BLTP3B: variants seen among roughly 807,000 people sequenced by gnomAD.
BLTP3B encodes bridge-like lipid transfer protein family member 3B, also known as UHRF1 (ICBP90) binding protein 1-like.
the BLTP3B span, chr12:100,142,797 G>T: frequency 3.8e-6 from 4 of 1,045,848 alleles, no homozygotes; most frequent in African/African-American, 1.7e-5. Flanking sequence ...AGCCGCCGCC[G>T]AGAACCCGGA....
At chr12:100,051,282 G>A in the BLTP3B span, 1 of 1,453,648 alleles carries the variant, frequency 6.9e-7, no homozygotes, top group Non-Finnish European at 9.2e-7. Context: ...ATCTAACACT[G>A]TATGCTTATT....
chr12:100,135,974 AG>A, the BLTP3B span, among the ~76,000 whole-genome samples: 1 of 152,176 alleles, frequency 6.6e-6, no homozygotes, highest in African/African-American at 2.4e-5. Flanking sequence ...GCACTTTGGG[AG>A]GCCAAAGTGG....
At chr12:100,048,769 T>TGAGA in the BLTP3B span, among the ~76,000 whole-genome samples, 1 of 72,890 alleles carries the variant, frequency 1.4e-5, no homozygotes, top group African/African-American at 5.8e-5. Flanking sequence ...AGAGTGAGAG[T>TGAGA]GAGTGTGTGT....
chr12:100,130,831 G>C, the BLTP3B span, among the ~76,000 whole-genome samples: 1 of 152,078 alleles, frequency 6.6e-6, no homozygotes, highest in Non-Finnish European at 1.5e-5. Flanking sequence ...GGCTGAGGCA[G>C]GAGAATCATT....
At chr12:100,109,560 T>C in the BLTP3B span, among the ~76,000 whole-genome samples, 1 of 152,108 alleles carries the variant, frequency 6.6e-6, no homozygotes, top group East Asian at 1.9e-4. Flanking sequence ...GGGCAGGAGT[T>C]CAAGACCAGC....
the BLTP3B span, among the ~76,000 whole-genome samples, chr12:100,118,148 T>C: frequency 1.3e-5 from 2 of 152,078 alleles, no homozygotes; most frequent in Non-Finnish European, 2.9e-5. Flanking sequence ...AAACCCCAAT[T>C]GAAGGACACT....
At chr12:100,073,428 G>A in the BLTP3B span, among the ~76,000 whole-genome samples, 1 of 148,238 alleles carries the variant, frequency 6.7e-6, no homozygotes, top group African/African-American at 2.5e-5. Flanking sequence ...TCAAACTCCT[G>A]ACCTCAAGCA....
At chr12:100,057,195 T>G in the BLTP3B span, among the ~76,000 whole-genome samples, 1 of 152,182 alleles carries the variant, frequency 6.6e-6, no homozygotes, top group African/African-American at 2.4e-5. Context: ...TAATGTCGCC[T>G]GCTTTATGGT....
At chr12:100,071,550 A>T in the BLTP3B span, among the ~76,000 whole-genome samples, 1 of 151,580 alleles carries the variant, frequency 6.6e-6, no homozygotes, top group South Asian at 2.1e-4. Context: ...ACAATAGCAG[A>T]GAGTTTTAAT....
At chr12:100,062,409 T>A in the BLTP3B span, among the ~76,000 whole-genome samples, 1 of 152,176 alleles carries the variant, frequency 6.6e-6, no homozygotes, top group Non-Finnish European at 1.5e-5. Flanking sequence ...ACAGAGATAA[T>A]GAAGAATGAA....
the BLTP3B span, among the ~76,000 whole-genome samples, chr12:100,079,907 G>C: frequency 6.6e-6 from 1 of 152,228 alleles, no homozygotes; most frequent in Admixed American, 6.5e-5. Context: ...CAGAGCTTGG[G>C]CCATAGCTTC....
the BLTP3B span, among the ~76,000 whole-genome samples, chr12:100,138,282 C>T: frequency 4.6e-5 from 7 of 152,168 alleles, no homozygotes; most frequent in Non-Finnish European, 8.8e-5. Flanking sequence ...TTCAGATATT[C>T]TTCTGCTTTC....
the BLTP3B span, chr12:100,095,642 T>G: frequency 6.3e-7 from 1 of 1,580,624 alleles, no homozygotes; most frequent in Non-Finnish European, 8.5e-7. Flanking sequence ...AAGTAAGTAT[T>G]TTTCCTGTTA....
At chr12:100,071,782 TA>T in the BLTP3B span, among the ~76,000 whole-genome samples, 1 of 152,166 alleles carries the variant, frequency 6.6e-6, no homozygotes, top group Non-Finnish European at 1.5e-5. Flanking sequence ...TCTCTACAGC[TA>T]AAAGGACAAC....
the BLTP3B span, among the ~76,000 whole-genome samples, chr12:100,057,397 TAATA>T: frequency 6.6e-6 from 1 of 152,090 alleles, no homozygotes; most frequent in Non-Finnish European, 1.5e-5. Flanking sequence ...TAAATATTAT[TAATA>T]ATTAACAATT....
chr12:100,072,736 T>C, the BLTP3B span: 2 of 1,606,122 alleles, frequency 1.2e-6, no homozygotes, highest in Non-Finnish European at 8.5e-7. Context: ...CTGACATTTC[T>C]TGTGGAAGAT....
chr12:100,137,192 A>G, the BLTP3B span, among the ~76,000 whole-genome samples: 1 of 152,176 alleles, frequency 6.6e-6, no homozygotes, highest in African/African-American at 2.4e-5. Context: ...AAAATCTCCA[A>G]CCCTTCCAAT....
the BLTP3B span, among the ~76,000 whole-genome samples, chr12:100,114,716 T>G: frequency 1.3e-5 from 2 of 152,234 alleles, no homozygotes; most frequent in Non-Finnish European, 2.9e-5. Flanking sequence ...GACTGCCAAG[T>G]ACTTTGGCTT....
chr12:100,066,803 CA>C, the BLTP3B span, among the ~76,000 whole-genome samples: 47 of 136,662 alleles, frequency 3.4e-4, no homozygotes, highest in South Asian at 4.7e-4. Flanking sequence ...GACTCCATCT[CA>C]AAAAAAAAAA....
Sources: gnomAD v4.1 joint callset for allele counts (sites outside exome capture counted in the v4.1 genomes callset) on GRCh38, gnomAD v4.1.1 for gene constraint, MANE v1.5 for transcripts, NCBI Gene and HGNC (gene_info 2026-07-23, HGNC 2026-07-21) for gene names.